The following OSBPL3 variants were observed in gnomAD, a reference collection of about 807,000 sequenced individuals.
OSBPL3 encodes the protein oxysterol-binding protein-related protein 3.
A neutral mutation model predicts 120.1 loss-of-function variants in OSBPL3; 65 were observed. The observed-to-expected ratio is 0.54, with a 90% CI of 0.44 to 0.67. The LOEUF is 0.67. Among genes scored for constraint, OSBPL3 ranks in the 30% least tolerant of loss-of-function variants. The probability of loss-of-function intolerance (pLI) is 0.00; values close to 1 mark genes in which losing one functional copy is unlikely to be tolerated. For synonymous variants in OSBPL3, 416 were observed against 402.6 expected, an observed-to-expected ratio of 1.03 and a Z score of -0.40; for missense variants, 1,004 against 1,082.1, an observed-to-expected ratio of 0.93 and a Z score of 1.01.
rs1052571373 is a variant in OSBPL3, at chr7:24,821,877, C to A, written c.1885-1639G>T. ...ACTCTCTGATTTCCTTTGATGTTGT[C>A]TTTTTTCTTTTTTTGAGACAGGGTC... On this transcript the variant is annotated intron_variant, in intron 16 of 22. Coordinates refer to ENST00000313367, the MANE Select transcript of OSBPL3 (RefSeq NM_015550.4). The surrounding 1 kb of genome is among the most constrained non-coding windows in gnomAD (Gnocchi z 5.5). Among the ~76,000 whole-genome samples, 2 of 152,066 alleles carry A rather than the reference C, an allele frequency of 1.3e-5. No individual in the cohort carries two copies. The highest frequency in any genetic ancestry group is 4.8e-5 in the African/African-American group (2 of 41,426).
rs1808913418 is a variant in OSBPL3 at position 24,912,156 on chromosome 7, C to G, written c.-149-19535G>C. ...AGAAGGTTTTTACTAAATTTTATCT[C>G]CGAAGTAAGAAAATATTCTCAAGTA... On this transcript the variant is annotated intron_variant, in intron 1 of 22. Coordinates refer to ENST00000313367, the MANE Select transcript of OSBPL3 (RefSeq NM_015550.4). This position sits in a 1 kb window ranked among gnomAD's most constrained non-coding sequence, Gnocchi z 4.5. Among the ~76,000 whole-genome samples the G allele has an allele frequency of 1.3e-5, 2 of 152,108 alleles. No homozygotes were observed. The highest frequency in any genetic ancestry group is 1.5e-5 in the Non-Finnish European group (1 of 68,026).
At chr7:24,882,499 T>C (rs1259648557) in intron 2 of OSBPL3, among the ~76,000 whole-genome samples, 4 of 152,228 alleles carry the variant, frequency 2.6e-5, no homozygotes, top group African/African-American at 9.7e-5. Context: ...CATGCAATCA[T>C]TGGTGGAAAC....
At chr7:24,921,469 T>C (rs950142135) in intron 1 of OSBPL3, among the ~76,000 whole-genome samples, 5 of 152,324 alleles carry the variant, frequency 3.3e-5, no homozygotes, top group East Asian at 3.9e-4. Flanking sequence ...CATTTTTTCA[T>C]AGACGTTTGG....
chr7:24,944,371 G>A (rs1813457874), intron 1 of OSBPL3, among the ~76,000 whole-genome samples: 1 of 151,964 alleles, frequency 6.6e-6, no homozygotes, highest in Admixed American at 6.6e-5. Flanking sequence ...GCTCACGCCT[G>A]TAATCCCAGC....
chr7:24,897,551 T>A (rs2128363252), intron 1 of OSBPL3, among the ~76,000 whole-genome samples: 1 of 152,002 alleles, frequency 6.6e-6, no homozygotes, highest in Non-Finnish European at 1.5e-5. Flanking sequence ...GGTCTCGATC[T>A]CCTGACCTCG....
At chr7:24,909,675 T>G (rs1016631182) in intron 1 of OSBPL3, among the ~76,000 whole-genome samples, 1 of 151,700 alleles carries the variant, frequency 6.6e-6, no homozygotes, top group East Asian at 1.9e-4. Context: ...AAGCTGCCAA[T>G]CACCTCTGTC....
At chr7:24,860,649 GCAT>G (rs1182394720) in intron 10 of OSBPL3, among the ~76,000 whole-genome samples, 2 of 152,130 alleles carry the variant, frequency 1.3e-5, no homozygotes, top group Non-Finnish European at 2.9e-5. Context: ...TTTATCAGCA[GCAT>G]GAAAATGGAG....
intron 1 of OSBPL3, among the ~76,000 whole-genome samples, chr7:24,948,187 C>A (rs767386472): frequency 7.2e-5 from 11 of 151,946 alleles, no homozygotes; most frequent in Non-Finnish European, 1.3e-4. Flanking sequence ...GGAATGATAG[C>A]CTAAAAAGAA....
rs1816572931 is a variant in OSBPL3, at chr7:24,967,925, A to C, written c.-150+11961T>G. 6.6e-6 allele frequency among the ~76,000 whole-genome samples: 1 copy of C among 152,140 alleles called. No homozygotes were observed. Among genetic ancestry groups the C allele is most frequent in the Non-Finnish European group, 1.5e-5 (1 of 68,024 alleles). ...AAAACCAAAAGCACTCTCTTTCTCT[A>C]AGATCTACTCATCTTCCTATTTTCC... is the stretch of plus-strand genomic sequence containing the variant. On this transcript the variant is annotated intron_variant, in intron 1 of 22. Coordinates refer to ENST00000313367, the MANE Select transcript of OSBPL3 (RefSeq NM_015550.4). The surrounding 1 kb of genome is among the most constrained non-coding windows in gnomAD (Gnocchi z 5.6).
Position 24,940,375 on chromosome 7 carries a change from C to G in OSBPL3, c.-150+39511G>C, listed in dbSNP as rs1361845334. Among the ~76,000 whole-genome samples, 1 of 151,972 alleles carries G rather than the reference C, an allele frequency of 6.6e-6. No homozygotes were observed. The highest frequency in any genetic ancestry group is 2.4e-5 in the African/African-American group (1 of 41,354). ...TCAGGAGGTGTAGAAATTACTGGTA[C>G]CAATGACAGATCATCAAAAGGGTTG... On this transcript the variant is annotated intron_variant, in intron 1 of 22. Transcript: ENST00000313367. This position sits in a 1 kb window ranked among gnomAD's most constrained non-coding sequence, Gnocchi z 4.4.
intron 1 of OSBPL3, among the ~76,000 whole-genome samples, chr7:24,921,396 C>T (rs1810363220): frequency 6.6e-6 from 1 of 152,162 alleles, no homozygotes; most frequent in Non-Finnish European, 1.5e-5. Flanking sequence ...CAGATAATCC[C>T]AACTTTTGAG....
chr7:24,928,358 C>A (rs1181081127), intron 1 of OSBPL3, among the ~76,000 whole-genome samples: 7 of 151,870 alleles, frequency 4.6e-5, no homozygotes, highest in Non-Finnish European at 8.8e-5. Context: ...CACCCGGCTA[C>A]TTTTTTGTCT....
rs1795131332 is a variant in OSBPL3 at position 24,821,452 on chromosome 7, G to T, written c.1885-1214C>A. ...AGGTGGGGAGGAAGGGAGGGCAGTG[G>T]GTGACAAATCCACAGCTGTTCACCT... On this transcript the variant is annotated intron_variant, in intron 16 of 22. Transcript: ENST00000313367. The surrounding 1 kb of genome is among the most constrained non-coding windows in gnomAD (Gnocchi z 5.5). Among the ~76,000 whole-genome samples, 1 of 152,196 alleles carries T rather than the reference G, an allele frequency of 6.6e-6. No individual in the cohort carries two copies. The highest frequency in any genetic ancestry group is 2.1e-4 in the South Asian group (1 of 4,828).
At chr7:24,963,724 C>T (rs1028346267) in intron 1 of OSBPL3, among the ~76,000 whole-genome samples, 1 of 152,172 alleles carries the variant, frequency 6.6e-6, no homozygotes, top group African/African-American at 2.4e-5. Flanking sequence ...CTTAGATAAA[C>T]CATTTCACCT....
intron 1 of OSBPL3, among the ~76,000 whole-genome samples, chr7:24,942,769 A>G (rs986812725): frequency 6.6e-6 from 1 of 152,212 alleles, no homozygotes; most frequent in African/African-American, 2.4e-5. Flanking sequence ...ACAGTCAAAA[A>G]CACTGATATT....
rs1172033990 is a variant in OSBPL3, at chr7:24,830,887, CA to C, written c.1764del (p.Phe588LeufsTer64). 1.2e-6 allele frequency: 2 copies of C among 1,611,670 alleles called. No individual in the cohort carries two copies. Among genetic ancestry groups the C allele is most frequent in the Admixed American group, 3.4e-5 (2 of 59,460 alleles). On this transcript the variant is annotated frameshift_variant, in exon 16 of 23. Coordinates refer to ENST00000313367, the MANE Select transcript of OSBPL3 (RefSeq NM_015550.4). LOFTEE classifies it high-confidence loss of function. The surrounding 1 kb of genome is among the most constrained non-coding windows in gnomAD (Gnocchi z 4.4). ...TAGCTAGATGCATACGCTGATATGG[CA>C]AAGGCTGCCACATATACCTAAGGAC... The part of the protein sequence containing the change: ...PLERMVYVAA[F>X]AISAYASSYY...
At chr7:24,926,464 A>C (rs1349229467) in intron 1 of OSBPL3, among the ~76,000 whole-genome samples, 1 of 152,286 alleles carries the variant, frequency 6.6e-6, no homozygotes, top group East Asian at 1.9e-4. Context: ...ACGATTGAGG[A>C]CTACTGGCTT....
rs1800852411 is a variant in OSBPL3 at position 24,863,386 on chromosome 7, G to A, written c.778-94C>T. ...GCAAAGTGACCACCTCCATCCCCTTGACTTTGGCTGAAGCAACTGACCACA... is the reference window on the plus strand; with the variant it reads ...GCAAAGTGACCACCTCCATCCCCTTAACTTTGGCTGAAGCAACTGACCACA... On this transcript the variant is annotated intron_variant, in intron 8 of 22. Transcript: ENST00000313367. The surrounding 1 kb of genome is among the most constrained non-coding windows in gnomAD (Gnocchi z 5.8). 5 of 1,386,064 alleles carry A rather than the reference G, an allele frequency of 3.6e-6. No homozygotes were observed. Among genetic ancestry groups the A allele is most frequent in the Non-Finnish European group, 5.1e-6 (5 of 972,890 alleles). The allele number at this position is 1,386,064 out of a possible 1,614,324, so 85.9% of individuals were successfully genotyped here. A position where few individuals can be genotyped will look rare whatever the true frequency, so the allele number is the denominator to read the frequency against.
intron 14 of OSBPL3, among the ~76,000 whole-genome samples, chr7:24,839,743 C>T (rs1797463503): frequency 6.6e-6 from 1 of 152,122 alleles, no homozygotes; most frequent in Non-Finnish European, 1.5e-5. Context: ...AATCCCAGCA[C>T]TCTGGGAGGC....
Sources: allele counts gnomAD v4.1 joint callset (sites outside exome capture counted in the v4.1 genomes callset), GRCh38; gene constraint gnomAD v4.1.1; non-coding constraint Gnocchi (gnomAD v3.1); transcripts MANE v1.5; gene names NCBI Gene and HGNC (gene_info 2026-07-23, HGNC 2026-07-21).